CUL3: variants seen among roughly 807,000 people sequenced by gnomAD.
CUL3 encodes the protein cullin-3.
In CUL3, 19 loss-of-function variants were observed where a neutral mutation model predicts 89.1. The observed-to-expected ratio is 0.21, with a 90% confidence interval of 0.15 to 0.31. CUL3 has a LOEUF of 0.31. Among genes scored for constraint, CUL3 ranks in the 10% least tolerant of loss-of-function variants. The probability of loss-of-function intolerance (pLI) is 1.00; values close to 1 mark genes in which losing one functional copy is unlikely to be tolerated. For synonymous variants in CUL3, 351 were observed against 308.4 expected, an observed-to-expected ratio of 1.14 and a Z score of -1.45; for missense variants, 469 against 942.3, an observed-to-expected ratio of 0.50 and a Z score of 6.58.
intron 13 of CUL3, among the ~76,000 whole-genome samples, chr2:224,493,306 A>C (rs1030023933): frequency 6.6e-6 from 1 of 152,240 alleles, no homozygotes; most frequent in Non-Finnish European, 1.5e-5. Flanking sequence ...ACTTTTAACT[A>C]TCTCCACTAA....
chr2:224,569,628 T>TA, intron 1 of CUL3: 1 of 836,162 alleles, frequency 1.2e-6, no homozygotes, highest in South Asian at 4.2e-5. Flanking sequence ...TCAGATGATA[T>TA]AAAAAATATA....
At chr2:224,557,927 A>G (rs1344040180) in intron 1 of CUL3, 71 bp from the exon 2 acceptor site, 11 of 821,552 alleles carry the variant, frequency 1.3e-5, no homozygotes, top group African/African-American at 9.0e-5. Context: ...AAGTCTTTCT[A>G]TATTTGTCCA....
chr2:224,576,290 T>C (rs964665883), intron 1 of CUL3, among the ~76,000 whole-genome samples: 2 of 152,130 alleles, frequency 1.3e-5, no homozygotes, highest in Non-Finnish European at 2.9e-5. Context: ...GTGGAGGAAG[T>C]GAAATGTAGA....
At chr2:224,530,183 G>T (rs1029480800) in intron 3 of CUL3, among the ~76,000 whole-genome samples, 5 of 152,192 alleles carry the variant, frequency 3.3e-5, no homozygotes, top group African/African-American at 4.8e-5. Flanking sequence ...AGCTTGCAGT[G>T]AGCCAAGATC....
intron 2 of CUL3, among the ~76,000 whole-genome samples, chr2:224,542,841 A>T (rs192277364): frequency 6.6e-6 from 1 of 152,318 alleles, no homozygotes; most frequent in East Asian, 1.9e-4. Context: ...GACAGGAGAC[A>T]ACAGCAGGAA....
At chr2:224,572,233 CCT>C (rs978732471) in intron 1 of CUL3, among the ~76,000 whole-genome samples, 1 of 152,094 alleles carries the variant, frequency 6.6e-6, no homozygotes, top group African/African-American at 2.4e-5. Context: ...TCTCTAGACC[CCT>C]GTTTGCTCAT....
intron 2 of CUL3, among the ~76,000 whole-genome samples, chr2:224,547,195 A>G (rs1262199064): frequency 6.6e-6 from 1 of 152,130 alleles, no homozygotes. Context: ...TTAAAAAGCA[A>G]TGGCTCCCAC....
chr2:224,564,050 C>G (rs990949181), intron 1 of CUL3, among the ~76,000 whole-genome samples: 18 of 152,156 alleles, frequency 1.2e-4, no homozygotes, highest in Non-Finnish European at 2.4e-4. Context: ...CTTTGGGAGG[C>G]CCAGGTGGAC....
intron 8 of CUL3, among the ~76,000 whole-genome samples, chr2:224,504,847 T>G (rs1352651937): frequency 2.0e-5 from 3 of 152,162 alleles, no homozygotes; most frequent in African/African-American, 7.2e-5. Flanking sequence ...GTGAGCATGT[T>G]TTATGCTTCA....
chr2:224,534,761 T>TCACC (rs1230283722), intron 3 of CUL3, among the ~76,000 whole-genome samples: 2 of 151,896 alleles, frequency 1.3e-5, no homozygotes, highest in Non-Finnish European at 2.9e-5. Flanking sequence ...GGTGGGCAGA[T>TCACC]CACCAGGTCA....
chr2:224,490,208 T>C (rs925322896), intron 13 of CUL3, among the ~76,000 whole-genome samples: 6 of 152,238 alleles, frequency 3.9e-5, no homozygotes, highest in East Asian at 3.8e-4. Flanking sequence ...TCCGCTTTCA[T>C]GTTCCATCCT....
chr2:224,533,389 TG>T lies in CUL3; in HGVS notation c.378+2138del, dbSNP rs150301029. Among the ~76,000 whole-genome samples the T allele has an allele frequency of 9.5e-3, 1,451 of 152,138 alleles. 96 individuals are homozygous for T. The East Asian group carries it at 0.19, about 20-fold the overall frequency. On this transcript the variant is annotated intron_variant, in intron 3 of 15. Transcript: ENST00000264414. ...ATTTTCATTTTATAGATGAGGAACCTGAGGGGTGAACTAATTAACTTCTTGA... is the reference window on the plus strand; with the variant it reads ...ATTTTCATTTTATAGATGAGGAACCTAGGGGTGAACTAATTAACTTCTTGA...
At chr2:224,504,862 A>AT (rs1181811395) in intron 8 of CUL3, among the ~76,000 whole-genome samples, 3 of 152,032 alleles carry the variant, frequency 2.0e-5, no homozygotes, top group African/African-American at 7.2e-5. Flanking sequence ...GCTTCAGTTG[A>AT]TTTTCTATGC....
chr2:224,554,990 C>G (rs1329955163), intron 2 of CUL3, among the ~76,000 whole-genome samples: 2 of 152,154 alleles, frequency 1.3e-5, no homozygotes, highest in African/African-American at 4.8e-5. Context: ...GCTCTGGGCT[C>G]TTCATTTTCT....
At chr2:224,491,410 G>A (rs1328396362) in intron 13 of CUL3, among the ~76,000 whole-genome samples, 2 of 152,002 alleles carry the variant, frequency 1.3e-5, no homozygotes, top group Non-Finnish European at 2.9e-5. Flanking sequence ...ATTAATGCTG[G>A]TTTACTGAAA....
rs189810655 is a variant in CUL3 at position 224,583,588 on chromosome 2, C to A, written c.66+1356G>T. 4.3e-3 allele frequency among the ~76,000 whole-genome samples: 652 copies of A among 152,310 alleles called. 1 individual carries two copies. The highest frequency in any genetic ancestry group is 7.2e-3 in the Non-Finnish European group (491 of 68,036). On this transcript the variant is annotated intron_variant, in intron 1 of 15. Coordinates refer to ENST00000264414, the MANE Select transcript of CUL3 (RefSeq NM_003590.5). Reference sequence around the variant, plus strand: ...AAAAAGTTTGAAACATTCAAAAAATCTTTAATTATTATCAAAACACTTATT... The same window carrying A: ...AAAAAGTTTGAAACATTCAAAAAATATTTAATTATTATCAAAACACTTATT...
Position 224,535,539 on chromosome 2 carries a change from G to A in CUL3, c.367C>T (p.Leu123=). ...AAAGCTCTACTTACCATGTACATTA[G>A]TATGTCTCTAATCATCACCATAGCT... The part of the protein sequence containing the change: ...QTAMVMIRDI[L]MYMDRVYVQQ... Residue 123 remains leucine (L), a synonymous_variant, in exon 3 of 16, where the codon CTA becomes TTA. Transcript: ENST00000264414. 1 of 1,583,428 alleles carries A rather than the reference G, an allele frequency of 6.3e-7. No individual in the cohort carries two copies. The highest frequency in any genetic ancestry group is 8.6e-7 in the Non-Finnish European group (1 of 1,164,164).
At chr2:224,539,039 C>CA (rs562417688) in intron 2 of CUL3, among the ~76,000 whole-genome samples, 13 of 131,610 alleles carry the variant, frequency 9.9e-5, no homozygotes, top group African/African-American at 3.2e-4. Flanking sequence ...AATGAGAAAA[C>CA]AAGCCACAGA....
At chr2:224,504,895 A>C (rs1692532775) in intron 8 of CUL3, among the ~76,000 whole-genome samples, 1 of 152,150 alleles carries the variant, frequency 6.6e-6, no homozygotes, top group East Asian at 1.9e-4. Context: ...CTCAGGTTCC[A>C]GAGATATCAT....
Sources: allele counts gnomAD v4.1 joint callset (sites outside exome capture counted in the v4.1 genomes callset), GRCh38; gene constraint gnomAD v4.1.1; transcripts MANE v1.5; gene names NCBI Gene and HGNC (gene_info 2026-07-23, HGNC 2026-07-21).